ANGPT1: variants seen among roughly 807,000 people sequenced by gnomAD.
The protein encoded by ANGPT1 is angiopoietin-1.
ANGPT1 carries 17 observed loss-of-function variants against 62.2 expected under a neutral mutation model. The observed-to-expected ratio is 0.27, with a 90% CI of 0.19 to 0.41. ANGPT1 has a LOEUF of 0.41. Among genes scored for constraint, ANGPT1 ranks in the 10% least tolerant of loss-of-function variants. The pLI, the probability that ANGPT1 is intolerant of heterozygous loss-of-function variation, is 1.00. For synonymous variants in ANGPT1, 199 were observed against 198.9 expected, an observed-to-expected ratio of 1.00 and a Z score of 0.00; for missense variants, 478 against 594.9, an observed-to-expected ratio of 0.80 and a Z score of 2.04.
At chr8:107,433,172 T>G (rs1018852377) in intron 1 of ANGPT1, among the ~76,000 whole-genome samples, 3 of 152,180 alleles carry the variant, frequency 2.0e-5, no homozygotes, top group Non-Finnish European at 4.4e-5. Context: ...GGGCTGGTTG[T>G]TTTTTTCATT....
chr8:107,301,979 A>G (rs1814600943), intron 5 of ANGPT1, among the ~76,000 whole-genome samples: 1 of 151,910 alleles, frequency 6.6e-6, no homozygotes, highest in Non-Finnish European at 1.5e-5. Flanking sequence ...TTGCCTATCA[A>G]AGGAGACTAA....
chr8:107,441,627 A>C (rs1811477765), intron 1 of ANGPT1, among the ~76,000 whole-genome samples: 1 of 152,326 alleles, frequency 6.6e-6, no homozygotes, highest in South Asian at 2.1e-4. Flanking sequence ...TAAACAATTT[A>C]TTCAATCTCC....
At chr8:107,332,921 A>T (rs917842659) in intron 3 of ANGPT1, among the ~76,000 whole-genome samples, 1 of 152,242 alleles carries the variant, frequency 6.6e-6, no homozygotes, top group African/African-American at 2.4e-5. Flanking sequence ...GATTCATATA[A>T]GGAATAACCA....
intron 1 of ANGPT1, among the ~76,000 whole-genome samples, chr8:107,444,391 A>C (rs180748599): frequency 1.3e-5 from 2 of 152,348 alleles, no homozygotes; most frequent in East Asian, 3.9e-4. Flanking sequence ...ATGTCAAGGT[A>C]ATAGATCAGC....
At chr8:107,457,768 C>T (rs1811956855) in intron 1 of ANGPT1, among the ~76,000 whole-genome samples, 2 of 150,988 alleles carry the variant, frequency 1.3e-5, no homozygotes, top group Non-Finnish European at 2.9e-5. Flanking sequence ...ACTCACTATG[C>T]CTCCCAAGAA....
At chr8:107,349,826 A>G (rs1252214727) in intron 1 of ANGPT1, among the ~76,000 whole-genome samples, 1 of 152,130 alleles carries the variant, frequency 6.6e-6, no homozygotes, top group African/African-American at 2.4e-5. Flanking sequence ...TCAAAACTAC[A>G]TGGGGAGAAT....
At chr8:107,412,183 G>A (rs1810598834) in intron 1 of ANGPT1, among the ~76,000 whole-genome samples, 1 of 152,106 alleles carries the variant, frequency 6.6e-6, no homozygotes, top group Admixed American at 6.6e-5. Flanking sequence ...AGGCAAACAA[G>A]GGGAGATTTT....
At chr8:107,451,202 G>C (rs1031769353) in intron 1 of ANGPT1, among the ~76,000 whole-genome samples, 3 of 151,638 alleles carry the variant, frequency 2.0e-5, no homozygotes, top group African/African-American at 7.3e-5. Flanking sequence ...TTACCAACAG[G>C]AGACATCAAT....
At chr8:107,481,590 T>C (rs924899168) in intron 1 of ANGPT1, among the ~76,000 whole-genome samples, 1 of 140,716 alleles carries the variant, frequency 7.1e-6, no homozygotes, top group Admixed American at 7.0e-5. Context: ...AAAGGTACTA[T>C]ATTAGTCCAA....
intron 4 of ANGPT1, among the ~76,000 whole-genome samples, chr8:107,313,114 G>A (rs1045804767): frequency 6.6e-6 from 1 of 151,672 alleles, no homozygotes; most frequent in East Asian, 1.9e-4. Flanking sequence ...AAAATGGAAC[G>A]TTCACACCTA....
At chr8:107,301,464 G>A (rs1455953430) in intron 5 of ANGPT1, among the ~76,000 whole-genome samples, 1 of 151,880 alleles carries the variant, frequency 6.6e-6, no homozygotes, top group East Asian at 1.9e-4. Context: ...GTGTGTGTGT[G>A]TGTGAATTGA....
chr8:107,401,509 G>C (rs954105070), intron 1 of ANGPT1, among the ~76,000 whole-genome samples: 1 of 152,170 alleles, frequency 6.6e-6, no homozygotes, highest in African/African-American at 2.4e-5. Flanking sequence ...AGATCAGAGA[G>C]ATGAGATAAT....
At chr8:107,308,171 G>A (rs1271672191) in intron 4 of ANGPT1, among the ~76,000 whole-genome samples, 2 of 152,086 alleles carry the variant, frequency 1.3e-5, no homozygotes, top group South Asian at 2.1e-4. Flanking sequence ...GCCCAAGCCT[G>A]CCTGTCATGT....
intron 5 of ANGPT1, among the ~76,000 whole-genome samples, chr8:107,301,259 C>T (rs1814581182): frequency 6.6e-6 from 1 of 151,960 alleles, no homozygotes; most frequent in Admixed American, 6.6e-5. Flanking sequence ...TGGAAGTTCG[C>T]TTAGTATTTT....
In ANGPT1 at chr8:107,497,298, T is replaced by C. The variant is rs1813129564; in HGVS notation, c.261A>G (p.Glu87=). The C allele has an allele frequency of 1.2e-6, 2 of 1,614,226 alleles. No individual in the cohort carries two copies. Among genetic ancestry groups the C allele is most frequent in the East Asian group, 2.2e-5 (1 of 44,886 alleles). Reference sequence around the variant, plus strand: ...ACTGAGTATAATTTTCCATCACATGTTCCAGATGTTGAAGTTTCTGGGAAG... The same window carrying C: ...ACTGAGTATAATTTTCCATCACATGCTCCAGATGTTGAAGTTTCTGGGAAG... ...DFSSQKLQHL[E]HVMENYTQWL... is the part of the protein sequence containing the mutation. Residue 87 remains glutamate (E), a synonymous_variant, in exon 1 of 9, where the codon GAA becomes GAG. Transcript: ENST00000517746.
chr8:107,266,238 T>C (rs1163044908), intron 7 of ANGPT1, among the ~76,000 whole-genome samples: 2 of 152,210 alleles, frequency 1.3e-5, no homozygotes, highest in Admixed American at 6.5e-5. Context: ...AAGGGAGTTC[T>C]GGGACATGTT....
intron 1 of ANGPT1, among the ~76,000 whole-genome samples, chr8:107,440,469 T>A (rs1177780153): frequency 6.6e-6 from 1 of 152,218 alleles, no homozygotes; most frequent in African/African-American, 2.4e-5. Flanking sequence ...TTCCATTTTT[T>A]CATTCATTCA....
At chr8:107,295,938 ATC>A (rs755699645) in intron 5 of ANGPT1, among the ~76,000 whole-genome samples, 2 of 152,152 alleles carry the variant, frequency 1.3e-5, no homozygotes, top group Non-Finnish European at 2.9e-5. Context: ...TATGATGATC[ATC>A]TCCATTTTAC....
chr8:107,265,005 T>C (rs896582983), intron 7 of ANGPT1, among the ~76,000 whole-genome samples: 2 of 152,308 alleles, frequency 1.3e-5, no homozygotes, highest in Middle Eastern at 3.4e-3. Context: ...ACTTAAGATA[T>C]ATAAGAAAAG....
Sources: allele counts gnomAD v4.1 joint callset (sites outside exome capture counted in the v4.1 genomes callset), GRCh38; gene constraint gnomAD v4.1.1; transcripts MANE v1.5; gene names NCBI Gene and HGNC (gene_info 2026-07-23, HGNC 2026-07-21).